The following DAB1 variants were observed in gnomAD, a reference collection of about 807,000 sequenced individuals.
DAB1 encodes the protein DAB adaptor protein 1.
In DAB1, 15 loss-of-function variants were observed where a neutral mutation model predicts 64.6. That is an observed-to-expected ratio of 0.23 (90% CI 0.16 to 0.36). The LOEUF (loss-of-function observed/expected upper bound fraction) is 0.36. Among genes scored for constraint, DAB1 ranks in the 10% least tolerant of loss-of-function variants. DAB1 has a pLI of 1.00. For missense variants in DAB1, 596 were observed against 706.7 expected, an observed-to-expected ratio of 0.84 and a Z score of 1.78; for synonymous variants, 235 against 251.9, an observed-to-expected ratio of 0.93 and a Z score of 0.64.
At chr1:58,099,318 T>C (rs1276037197) in intron 5 of DAB1, among the ~76,000 whole-genome samples, 3 of 152,210 alleles carry the variant, frequency 2.0e-5, no homozygotes, top group Admixed American at 6.5e-5. Context: ...TTACTAGACT[T>C]CCTGGTTGTA....
chr1:58,130,311 T>C (rs1653453747), intron 5 of DAB1, among the ~76,000 whole-genome samples: 1 of 143,468 alleles, frequency 7.0e-6, no homozygotes, highest in East Asian at 2.1e-4. Flanking sequence ...ATTTGCTTGG[T>C]AGATCTTCCT....
At chr1:58,022,462 G>T (rs943881106) in intron 5 of DAB1, among the ~76,000 whole-genome samples, 1 of 152,168 alleles carries the variant, frequency 6.6e-6, no homozygotes, top group Non-Finnish European at 1.5e-5. Flanking sequence ...TTTGAGTACA[G>T]ATTTGCCTCC....
At chr1:57,613,477 C>T (rs570778727) in intron 7 of DAB1, among the ~76,000 whole-genome samples, 5 of 152,072 alleles carry the variant, frequency 3.3e-5, no homozygotes, top group Admixed American at 6.5e-5. Flanking sequence ...TAGTGTAGTT[C>T]GGTTTCTTCA....
chr1:57,393,364 T>A (rs1038929585), intron 1 of DAB1, among the ~76,000 whole-genome samples: 6 of 152,202 alleles, frequency 3.9e-5, no homozygotes, highest in Non-Finnish European at 4.4e-5. Context: ...TTTCAGGAAC[T>A]GCCCGTAGCT....
intron 2 of DAB1, among the ~76,000 whole-genome samples, chr1:58,518,662 T>C (rs559280890): frequency 6.6e-6 from 1 of 152,074 alleles, no homozygotes; most frequent in Admixed American, 6.5e-5. Flanking sequence ...CAGGGTTTTT[T>C]TTCCAAAAGC....
chr1:58,396,512 C>T (rs1569725874), intron 3 of DAB1, among the ~76,000 whole-genome samples: 1 of 151,492 alleles, frequency 6.6e-6, no homozygotes, highest in South Asian at 2.1e-4. Context: ...GCGGTGGGGG[C>T]GGGCAGTGCA....
At chr1:58,171,593 C>T (rs1441490514) in intron 4 of DAB1, among the ~76,000 whole-genome samples, 1 of 152,208 alleles carries the variant, frequency 6.6e-6, no homozygotes, top group Non-Finnish European at 1.5e-5. Context: ...ATTCTGTATT[C>T]CCCTGCACTC....
intron 9 of DAB1, among the ~76,000 whole-genome samples, chr1:57,049,978 T>A (rs1649009886): frequency 6.6e-6 from 1 of 152,094 alleles, no homozygotes; most frequent in Non-Finnish European, 1.5e-5. Context: ...CCTTTCTCTG[T>A]CCTCTGGGCT....
intron 7 of DAB1, among the ~76,000 whole-genome samples, chr1:57,432,703 G>C (rs1303996159): frequency 6.6e-6 from 1 of 152,154 alleles, no homozygotes; most frequent in East Asian, 1.9e-4. Context: ...GAGCCAATAT[G>C]TCCCCTCTAT....
chr1:57,474,611 A>G (rs1643912293), intron 7 of DAB1, among the ~76,000 whole-genome samples: 1 of 152,198 alleles, frequency 6.6e-6, no homozygotes, highest in Non-Finnish European at 1.5e-5. Context: ...ATTTAGCCAA[A>G]AAGAAATATC....
intron 6 of DAB1, among the ~76,000 whole-genome samples, chr1:57,796,846 G>A (rs1650897771): frequency 6.6e-6 from 1 of 152,038 alleles, no homozygotes; most frequent in South Asian, 2.1e-4. Context: ...ACTTTCTACT[G>A]GCTATAGATC....
rs187246270 is a variant in DAB1, at chr1:57,688,986, T to C, written n.552-39321A>G. Among the ~76,000 whole-genome samples the C allele has an allele frequency of 3.2e-3, 493 of 152,282 alleles. 2 individuals carry two copies. The highest frequency in any genetic ancestry group is 0.01 in the African/African-American group (434 of 41,574). ...GGTACTATGCTCACTACCTGGGTGATGGGATCCATACCCAAATCTCAGTGT... is the reference window on the plus strand; with the variant it reads ...GGTACTATGCTCACTACCTGGGTGACGGGATCCATACCCAAATCTCAGTGT... On this transcript the variant is annotated intron_variant and non_coding_transcript_variant, in intron 6 of 20. Coordinates refer to the DAB1 transcript ENST00000485760.
chr1:58,417,573 C>A (rs1003982047), intron 3 of DAB1, among the ~76,000 whole-genome samples: 10 of 152,182 alleles, frequency 6.6e-5, no homozygotes, highest in African/African-American at 2.4e-4. Context: ...GTCCCTCCAG[C>A]CCTAAGGAAA....
chr1:57,376,833 G>T (rs892339617), intron 1 of DAB1, among the ~76,000 whole-genome samples: 4 of 152,176 alleles, frequency 2.6e-5, no homozygotes, highest in African/African-American at 9.6e-5. Context: ...TAATGGAAAA[G>T]ATACAGCATT....
At chr1:57,596,997 C>T (rs1645518574) in intron 7 of DAB1, among the ~76,000 whole-genome samples, 1 of 152,168 alleles carries the variant, frequency 6.6e-6, no homozygotes, top group African/African-American at 2.4e-5. Flanking sequence ...ATTGGTTTCT[C>T]AAATGACTTC....
intron 5 of DAB1, among the ~76,000 whole-genome samples, chr1:57,899,623 C>T (rs1405167439): frequency 6.6e-6 from 1 of 151,874 alleles, no homozygotes. Flanking sequence ...CCACCACTCA[C>T]GGAGAAAGTC....
intron 5 of DAB1, among the ~76,000 whole-genome samples, chr1:58,063,432 C>A (rs999509154): frequency 4.6e-5 from 7 of 152,104 alleles, no homozygotes; most frequent in African/African-American, 1.4e-4. Flanking sequence ...ACTCTGTAGA[C>A]CAGAAGCACC....
chr1:58,265,435 T>TA (rs1466594485), intron 4 of DAB1, among the ~76,000 whole-genome samples: 1 of 152,236 alleles, frequency 6.6e-6, no homozygotes, highest in Non-Finnish European at 1.5e-5. Context: ...CAGTTCCCTT[T>TA]CTTCTAGAAG....
At chr1:57,404,423 G>A (rs114653184) in intron 1 of DAB1, among the ~76,000 whole-genome samples, 1,872 of 152,194 alleles carry the variant, frequency 0.012, 51 homozygotes, top group African/African-American at 0.042. Flanking sequence ...CTTTATTCCC[G>A]TTTCACAGAT....
Sources: allele counts gnomAD v4.1 joint callset (sites outside exome capture counted in the v4.1 genomes callset), GRCh38; gene constraint gnomAD v4.1.1; transcripts MANE v1.5; gene names NCBI Gene and HGNC (gene_info 2026-07-23, HGNC 2026-07-21).